Variants in CENPP observed in about 807,000 individuals in gnomAD.
CENPP encodes the protein centromere protein P.
A neutral mutation model predicts 35.6 loss-of-function variants in CENPP; 24 were observed. The observed-to-expected ratio is 0.67, with a 90% CI of 0.49 to 0.95. The LOEUF (loss-of-function observed/expected upper bound fraction) is 0.95. Ranked by LOEUF, CENPP falls within the 40% of genes least tolerant of loss-of-function variation. CENPP has a pLI of 0.00. For missense variants in CENPP, 332 were observed against 345.3 expected, an observed-to-expected ratio of 0.96 and a Z score of 0.31; for synonymous variants, 120 against 125.5, an observed-to-expected ratio of 0.96 and a Z score of 0.29.
chr9:92,562,862 A>T (rs933705825), intron 5 of CENPP, among the ~76,000 whole-genome samples: 9 of 152,252 alleles, frequency 5.9e-5, no homozygotes, highest in African/African-American at 2.2e-4. Context: ...TATGGGGGGG[A>T]TAAAGAGAAG....
intron 5 of CENPP, among the ~76,000 whole-genome samples, chr9:92,490,979 T>C (rs1846158792): frequency 1.3e-5 from 2 of 152,192 alleles, no homozygotes; most frequent in Non-Finnish European, 2.9e-5. Context: ...GTAATATAAC[T>C]CATAAGCTGA....
chr9:92,565,151 A>G (rs968019641), intron 5 of CENPP, among the ~76,000 whole-genome samples: 14 of 152,134 alleles, frequency 9.2e-5, no homozygotes, highest in African/African-American at 3.4e-4. Context: ...TGATGTAACT[A>G]TTTTGGAACT....
intron 5 of CENPP, chr9:92,474,742 C>CTCCTCCTCA (rs1491116407): frequency 2.0e-6 from 3 of 1,534,088 alleles, no homozygotes; most frequent in Non-Finnish European, 2.7e-6. Context: ...GAGAGTTGTC[C>CTCCTCCTCA]TCATCATCAT....
rs1588241850 is a variant in CENPP at position 92,531,332 on chromosome 9, A to T, written c.565-79982A>T. Among the ~76,000 whole-genome samples the T allele has an allele frequency of 5.9e-5, 9 of 152,182 alleles. No homozygotes were observed. The South Asian group carries it at 1.9e-3, about 32-fold the overall frequency. ...ACTTATCAAAGTCTTAATATAAATT[A>T]GTACCTTTACCTCTTCCTGGACAAT... On this transcript the variant is annotated intron_variant, in intron 5 of 7. Transcript: ENST00000375587.
intron 5 of CENPP, chr9:92,505,430 CTA>C: frequency 3.8e-6 from 4 of 1,044,176 alleles, no homozygotes; most frequent in African/African-American, 1.7e-5. Flanking sequence ...CAGCATGAAA[CTA>C]GAGTTTAATT....
At chr9:92,564,995 A>T (rs925954435) in intron 5 of CENPP, among the ~76,000 whole-genome samples, 60 of 152,182 alleles carry the variant, frequency 3.9e-4, no homozygotes, top group African/African-American at 1.4e-3. Context: ...TAAAGTAGTT[A>T]AAAAAATTAC....
intron 5 of CENPP, among the ~76,000 whole-genome samples, chr9:92,430,406 GT>G (rs1009748682): frequency 6.6e-5 from 10 of 150,852 alleles, no homozygotes; most frequent in African/African-American, 2.2e-4. Context: ...ATGTCATTGG[GT>G]TTATCCATCT....
intron 5 of CENPP, among the ~76,000 whole-genome samples, chr9:92,586,939 TCAA>T (rs1216837233): frequency 8.5e-6 from 1 of 117,182 alleles, no homozygotes; most frequent in Non-Finnish European, 1.6e-5. Context: ...TACCTGGTGT[TCAA>T]CAACAAGAAA....
intron 5 of CENPP, among the ~76,000 whole-genome samples, chr9:92,467,255 A>G (rs1463881004): frequency 6.6e-6 from 1 of 152,148 alleles, no homozygotes; most frequent in Non-Finnish European, 1.5e-5. Flanking sequence ...CTCTCTGCAC[A>G]AGTCTTTTGC....
At chr9:92,543,212 C>T (rs1849352894) in intron 5 of CENPP, among the ~76,000 whole-genome samples, 1 of 152,130 alleles carries the variant, frequency 6.6e-6, no homozygotes, top group Non-Finnish European at 1.5e-5. Flanking sequence ...TGGCTCACAC[C>T]TGTAATCCAA....
At chr9:92,421,094 G>C (rs1291449940) in intron 5 of CENPP, among the ~76,000 whole-genome samples, 1 of 152,146 alleles carries the variant, frequency 6.6e-6, no homozygotes, top group African/African-American at 2.4e-5. Flanking sequence ...ACCCAGGCTG[G>C]AGCGCAGTGG....
chr9:92,502,961 T>C (rs1846781510), intron 5 of CENPP, among the ~76,000 whole-genome samples: 1 of 151,928 alleles, frequency 6.6e-6, no homozygotes, highest in Non-Finnish European at 1.5e-5. Context: ...GTATGCGCCA[T>C]GAAGCCTGGC....
chr9:92,356,032 G>A (rs1251934850), intron 4 of CENPP, among the ~76,000 whole-genome samples: 1 of 152,132 alleles, frequency 6.6e-6, no homozygotes, highest in Non-Finnish European at 1.5e-5. Context: ...TATAAACACA[G>A]GGGTTAGTCA....
intron 5 of CENPP, chr9:92,404,577 A>G (rs1191155811): frequency 4.6e-6 from 6 of 1,293,742 alleles, no homozygotes; most frequent in Non-Finnish European, 6.1e-6. Flanking sequence ...GGGAGGGTGA[A>G]TGAGAAAAGC....
intron 5 of CENPP, among the ~76,000 whole-genome samples, chr9:92,448,948 G>A (rs1844623519): frequency 6.6e-6 from 1 of 152,168 alleles, no homozygotes; most frequent in African/African-American, 2.4e-5. Flanking sequence ...TAAGGAAAGG[G>A]AAGATGGAGG....
At chr9:92,442,632 G>A (rs1844441603) in intron 5 of CENPP, among the ~76,000 whole-genome samples, 1 of 151,734 alleles carries the variant, frequency 6.6e-6, no homozygotes, top group African/African-American at 2.4e-5. Context: ...GGTGGATCAC[G>A]AGGTCAGATC....
At chr9:92,467,665 G>T (rs1377405685) in intron 5 of CENPP, among the ~76,000 whole-genome samples, 1 of 152,084 alleles carries the variant, frequency 6.6e-6, no homozygotes, top group Admixed American at 6.6e-5. Context: ...TCATATTGTT[G>T]TTGTTTTTCC....
chr9:92,495,099 C>T (rs1190847250), intron 5 of CENPP, among the ~76,000 whole-genome samples: 1 of 152,020 alleles, frequency 6.6e-6, no homozygotes, highest in African/African-American at 2.4e-5. Context: ...CTTATAATAG[C>T]TTTGTGAAGT....
At chr9:92,390,193 C>T (rs1842615167) in intron 5 of CENPP, 2 of 576,580 alleles carry the variant, frequency 3.5e-6, no homozygotes, top group East Asian at 2.9e-5. Context: ...AATTCATAGC[C>T]CAGTAAAGTT....
Sources: allele counts gnomAD v4.1 joint callset (sites outside exome capture counted in the v4.1 genomes callset), GRCh38; gene constraint gnomAD v4.1.1; transcripts MANE v1.5; gene names NCBI Gene and HGNC (gene_info 2026-07-23, HGNC 2026-07-21).